RMC1: variants seen among roughly 807,000 people sequenced by gnomAD.
RMC1 encodes regulator of MON1-CCZ1.
RMC1 carries 44 observed loss-of-function variants against 95.5 expected under a neutral mutation model. That is an observed-to-expected ratio of 0.46 (90% confidence interval 0.36 to 0.59). The LOEUF (loss-of-function observed/expected upper bound fraction) is 0.59. RMC1 is among the 20% of genes least tolerant of loss of function. The pLI is 0.00. For missense variants in RMC1, 705 were observed against 819.6 expected (o/e 0.86, Z 1.71); for synonymous variants, 320 against 303.6 (o/e 1.05, Z -0.56).
At chr18:23,519,249 G>C in intron 9 of RMC1, 75 bp downstream of exon 9, 1 of 1,319,534 alleles carries the variant, frequency 7.6e-7, no homozygotes, top group Non-Finnish European at 1.1e-6. Flanking sequence ...TGGGCACGGT[G>C]GATCACGCCT....
At chr18:23,529,441 T>C in intron 15 of RMC1, 143 bp downstream of exon 15, 2 of 1,378,194 alleles carry the variant, frequency 1.5e-6, no homozygotes, top group South Asian at 1.5e-5. Flanking sequence ...CTAGAGCTGG[T>C]AGTTTGGCTT....
chr18:23,523,852 A>G (rs531923008), intron 10 of RMC1, among the ~76,000 whole-genome samples: 1 of 152,334 alleles, frequency 6.6e-6, no homozygotes, highest in South Asian at 2.1e-4. Flanking sequence ...GTAAACGATC[A>G]TGAGTCATCT....
At position 23,531,761 on chromosome 18, in the gene RMC1, T is replaced by TA. The variant is rs1372487821; in HGVS notation, c.*60dup. 1 of 1,582,388 alleles carries TA rather than the reference T, an allele frequency of 6.3e-7. No individual in the cohort carries two copies. Among genetic ancestry groups the TA allele is most frequent in the African/African-American group, 1.4e-5 (1 of 73,092 alleles). On this transcript the variant is annotated 3_prime_UTR_variant, in exon 20 of 20. Transcript: ENST00000269221. ...GTACAAAGTTAATTTATTGCATTAA[T>TA]AAAGCTCTTTAAACTATAAAATGTT... is the stretch of plus-strand genomic sequence containing the variant.
At position 23,504,439 on chromosome 18, in the gene RMC1, C is replaced by T. The variant is rs925318441; in HGVS notation, c.171C>T (p.Ile57=). Residue 57 remains isoleucine, a synonymous_variant, in exon 2 of 20, where the codon ATC becomes ATT. Coordinates refer to ENST00000269221, the MANE Select transcript of RMC1 (RefSeq NM_013326.5). ...AAGGCCCAGATGATAGGAATCCCAT[C>T]TCATTTAGGTAATGGTATAGACACT... The part of the protein sequence containing the change: ...VVKGPDDRNP[I]SFRMDDKGEV... 6 of 1,612,344 alleles carry T rather than the reference C, an allele frequency of 3.7e-6. No individual in the cohort carries two copies. The highest frequency in any genetic ancestry group is 1.7e-5 in the Admixed American group (1 of 60,010).
chr18:23,513,489 GTGC>G (rs1351079648), intron 5 of RMC1, among the ~76,000 whole-genome samples: 3 of 152,236 alleles, frequency 2.0e-5, no homozygotes, highest in African/African-American at 7.2e-5. Flanking sequence ...ATTGTGAATA[GTGC>G]TGCTGTCAAT....
At chr18:23,528,884 CT>C (rs112216095) in intron 14 of RMC1, 14,652 of 247,236 alleles carry the variant, frequency 0.059, no homozygotes, top group South Asian at 0.1. Context: ...ATCTGAACTG[CT>C]TTTTTTTTTT....
intron 2 of RMC1, chr18:23,506,279 C>T (rs1598837530): frequency 6.6e-6 from 1 of 152,080 alleles, no homozygotes; most frequent in Non-Finnish European, 1.5e-5. Context: ...ATGTATACAC[C>T]CATGAAACCA....
chr18:23,529,546 G>A, intron 15 of RMC1, 89 bp from the exon 16 acceptor site: 7 of 1,328,362 alleles, frequency 5.3e-6, no homozygotes. Context: ...ATTTTAAGAT[G>A]GAAACAAGGT....
intron 2 of RMC1, chr18:23,506,127 AC>A (rs2057709281): frequency 6.6e-6 from 1 of 150,874 alleles, no homozygotes; most frequent in African/African-American, 2.4e-5. Flanking sequence ...AGATCATGCC[AC>A]TGCACTGTAG....
intron 19 of RMC1, among the ~76,000 whole-genome samples, chr18:23,531,021 GTC>G (rs1213057343): frequency 1.3e-5 from 2 of 151,992 alleles, no homozygotes; most frequent in African/African-American, 4.8e-5. Flanking sequence ...TTGAGACAGA[GTC>G]TCGCTCCGTT....
At chr18:23,530,890 G>T (rs1031256910) in intron 19 of RMC1, among the ~76,000 whole-genome samples, 2 of 152,176 alleles carry the variant, frequency 1.3e-5, no homozygotes, top group Non-Finnish European at 2.9e-5. Context: ...GCAGATCTTG[G>T]AATATCTCTT....
At chr18:23,524,215 A>G (rs753032782) in intron 11 of RMC1, 41 bp downstream of exon 11, 4 of 1,608,196 alleles carry the variant, frequency 2.5e-6, no homozygotes, top group Non-Finnish European at 3.4e-6. Flanking sequence ...CAACAGGGCA[A>G]GTGGTCACCC....
At chr18:23,526,010 G>A (rs1362032430) in intron 12 of RMC1, among the ~76,000 whole-genome samples, 1 of 152,148 alleles carries the variant, frequency 6.6e-6, no homozygotes, top group East Asian at 1.9e-4. Context: ...CATCTCGCTG[G>A]TGTTTTCCTG....
chr18:23,517,758 C>G (rs1232172525), intron 7 of RMC1, among the ~76,000 whole-genome samples: 1 of 151,542 alleles, frequency 6.6e-6, no homozygotes, highest in Non-Finnish European at 1.5e-5. Context: ...CGCTCTGTTG[C>G]CCAGGCTGGA....
Position 23,530,586 on chromosome 18 carries a change from T to G in RMC1, c.1868T>G (p.Leu623Trp). The change falls in exon 19 of 20, where the codon TTG (leucine) becomes TGG (tryptophan). Residue 623 changes from leucine (L) to tryptophan (W), a missense_variant. Leu to Trp is a moderately conservative substitution (Grantham distance 61, BLOSUM62 -2). Coordinates refer to ENST00000269221, the MANE Select transcript of RMC1 (RefSeq NM_013326.5). The part of the protein sequence containing the change: ...FRFFEQRNQR[L>W]RGSPNFTPGE... ...TTTTTTGAACAGCGAAACCAGCGTT[T>G]GCGAGGGAGCCCCAATTTCACACCA... is the stretch of plus-strand genomic sequence containing the variant. 6.2e-7 allele frequency: 1 copy of G among 1,613,964 alleles called. No individual in the cohort carries two copies. The highest frequency in any genetic ancestry group is 8.5e-7 in the Non-Finnish European group (1 of 1,179,844).
intron 7 of RMC1, among the ~76,000 whole-genome samples, chr18:23,517,104 C>T (rs1203737759): frequency 2.6e-5 from 4 of 151,476 alleles, no homozygotes; most frequent in Admixed American, 2.6e-4. Context: ...ATGTAACAGA[C>T]ATGGAACTAA....
chr18:23,527,589 CTTTTTTTTTT>C (rs71163615), intron 13 of RMC1, among the ~76,000 whole-genome samples, 196 bp from the exon 14 acceptor site: 1 of 108,370 alleles, frequency 9.2e-6, no homozygotes, highest in Admixed American at 1.1e-4. Context: ...CCTGCTATAG[CTTTTTTTTTT>C]TTTTTTTTTT....
intron 7 of RMC1, among the ~76,000 whole-genome samples, chr18:23,518,350 G>A (rs529679323): frequency 6.6e-6 from 1 of 152,056 alleles, no homozygotes. Flanking sequence ...AAATTAGCCA[G>A]GCACGGTGGC....
chr18:23,528,433 G>A (rs1334631587), intron 14 of RMC1: 1 of 153,642 alleles, frequency 6.5e-6, no homozygotes, highest in Non-Finnish European at 1.4e-5. Flanking sequence ...CATATCTTCT[G>A]AAGCCAGAAG....
Sources: gnomAD v4.1 joint callset for allele counts (sites outside exome capture counted in the v4.1 genomes callset) on GRCh38, gnomAD v4.1.1 for gene constraint, MANE v1.5 for transcripts, NCBI Gene and HGNC (gene_info 2026-07-23, HGNC 2026-07-21) for gene names.